Variants in DCC observed in about 807,000 individuals in gnomAD.
The protein encoded by DCC is netrin receptor DCC.
A neutral mutation model predicts 172.5 loss-of-function variants in DCC; 58 were observed. That is an observed-to-expected ratio of 0.34 (90% CI 0.27 to 0.42). The LOEUF (loss-of-function observed/expected upper bound fraction) is 0.42. Ranked by LOEUF, DCC falls within the 10% of genes least tolerant of loss-of-function variation. The pLI is 1.00. For synonymous variants in DCC, 709 were observed against 644.5 expected (o/e 1.10, Z -1.52); for missense variants, 1,740 against 1,791.0 (o/e 0.97, Z 0.51).
intron 1 of DCC, among the ~76,000 whole-genome samples, chr18:52,518,216 T>C (rs1268141569): frequency 6.6e-6 from 1 of 152,216 alleles, no homozygotes; most frequent in Non-Finnish European, 1.5e-5. Flanking sequence ...AAGGCTATGA[T>C]AGCATGAGGC....
At chr18:53,471,091 A>T (rs1402657959) in intron 25 of DCC, among the ~76,000 whole-genome samples, 2 of 152,176 alleles carry the variant, frequency 1.3e-5, no homozygotes, top group Non-Finnish European at 2.9e-5. Context: ...ATCATCTCTT[A>T]CAGATTACTA....
chr18:52,495,853 C>G (rs2030726014), intron 1 of DCC, among the ~76,000 whole-genome samples: 1 of 151,184 alleles, frequency 6.6e-6, no homozygotes, highest in African/African-American at 2.4e-5. Context: ...GCTTTGACAT[C>G]AGGGAATTCT....
chr18:53,070,318 C>T (rs371895257), intron 7 of DCC, among the ~76,000 whole-genome samples: 104 of 152,252 alleles, frequency 6.8e-4, no homozygotes, highest in African/African-American at 2.3e-3. Flanking sequence ...CTTTTAAATA[C>T]TTACCTCACC....
rs190793822 is a variant in DCC, at chr18:52,629,306, C to T, written c.92-122748C>T. 7.9e-5 allele frequency among the ~76,000 whole-genome samples: 12 copies of T among 152,248 alleles called. No homozygotes were observed. In the East Asian group the frequency reaches 2.1e-3, roughly 27 times the overall value. On this transcript the variant is annotated intron_variant, in intron 1 of 28. Transcript: ENST00000442544. ...ACAAAAACTTCTACCCACCCACCTC[C>T]ACCTCTTTTGGTTTGGCCAAACAAG...
At position 53,424,131 on chromosome 18, in the gene DCC, G is replaced by A. The variant is rs150360378; in HGVS notation, c.3163+7975G>A. Reference sequence around the variant, plus strand: ...GGTAGTTACATTTGTAGATGGCTACGACCTCCTGCACTCATTTTGTGACCT... The same window carrying A: ...GGTAGTTACATTTGTAGATGGCTACAACCTCCTGCACTCATTTTGTGACCT... On this transcript the variant is annotated intron_variant, in intron 21 of 28. Transcript: ENST00000442544. 3.9e-4 allele frequency among the ~76,000 whole-genome samples: 59 copies of A among 152,268 alleles called. No homozygotes were observed. In the East Asian group the frequency reaches 0.011, roughly 28 times the overall value.
At chr18:53,238,123 T>C (rs2056232471) in intron 12 of DCC, among the ~76,000 whole-genome samples, 2 of 152,326 alleles carry the variant, frequency 1.3e-5, no homozygotes, top group South Asian at 2.1e-4. Flanking sequence ...TTATCTACTA[T>C]ATGTTGCTGA....
chr18:52,849,925 T>C (rs908662457), intron 2 of DCC, among the ~76,000 whole-genome samples: 2 of 152,148 alleles, frequency 1.3e-5, no homozygotes, highest in African/African-American at 4.8e-5. Context: ...AATAATGTCT[T>C]ATAAGCCACG....
chr18:52,675,200 A>G (rs2035627172), intron 1 of DCC, among the ~76,000 whole-genome samples: 1 of 152,130 alleles, frequency 6.6e-6, no homozygotes, highest in African/African-American at 2.4e-5. Flanking sequence ...CTGGGATTAC[A>G]GGTGAGTGCC....
chr18:52,903,294 C>G (rs1318103883), intron 2 of DCC, among the ~76,000 whole-genome samples: 3 of 152,188 alleles, frequency 2.0e-5, no homozygotes, highest in Non-Finnish European at 4.4e-5. Flanking sequence ...CAACCTCTGC[C>G]TCTGGGCTCA....
chr18:52,959,240 G>T (rs1354416752), intron 5 of DCC, among the ~76,000 whole-genome samples: 1 of 152,112 alleles, frequency 6.6e-6, no homozygotes, highest in African/African-American at 2.4e-5. Context: ...CAGTTGGCTG[G>T]ATTTGCACTG....
intron 25 of DCC, among the ~76,000 whole-genome samples, chr18:53,480,328 C>T (rs185046119): frequency 1.7e-4 from 26 of 152,256 alleles, no homozygotes; most frequent in African/African-American, 5.1e-4. Context: ...TCTTGGAAAG[C>T]GTGTATAAAC....
chr18:53,035,803 G>A (rs975720490), intron 5 of DCC, among the ~76,000 whole-genome samples: 8 of 151,966 alleles, frequency 5.3e-5, no homozygotes, highest in African/African-American at 1.9e-4. Flanking sequence ...ACCAGTCATT[G>A]TAGTGTATAT....
chr18:53,075,987 T>G (rs749718176), intron 7 of DCC, among the ~76,000 whole-genome samples: 2 of 152,166 alleles, frequency 1.3e-5, no homozygotes, highest in Non-Finnish European at 2.9e-5. Context: ...TGGTCATATA[T>G]GCTGTACTAG....
intron 7 of DCC, among the ~76,000 whole-genome samples, chr18:53,146,429 G>A (rs2043916762): frequency 6.6e-6 from 1 of 152,172 alleles, no homozygotes; most frequent in South Asian, 2.1e-4. Context: ...CATGGTAGAA[G>A]GAATGGAAGG....
At chr18:52,509,893 C>T (rs142003922) in intron 1 of DCC, among the ~76,000 whole-genome samples, 1,862 of 152,074 alleles carry the variant, frequency 0.012, 14 homozygotes, top group Non-Finnish European at 0.017. Flanking sequence ...ACCGGAGGTC[C>T]GGAGTTCGAG....
At chr18:52,754,549 C>T (rs987568657) in intron 2 of DCC, among the ~76,000 whole-genome samples, 1 of 152,192 alleles carries the variant, frequency 6.6e-6, no homozygotes, top group African/African-American at 2.4e-5. Context: ...GAAGAGGACC[C>T]TCATCAGAAA....
At chr18:53,195,735 A>G (rs2055434153) in intron 9 of DCC, among the ~76,000 whole-genome samples, 1 of 152,078 alleles carries the variant, frequency 6.6e-6, no homozygotes, top group Non-Finnish European at 1.5e-5. Flanking sequence ...CATCTATGCA[A>G]TTCTTAATTG....
At chr18:52,516,113 G>T (rs2031632608) in intron 1 of DCC, among the ~76,000 whole-genome samples, 1 of 152,026 alleles carries the variant, frequency 6.6e-6, no homozygotes, top group Non-Finnish European at 1.5e-5. Context: ...GTGAGGGTAA[G>T]GAGAAACTGG....
intron 1 of DCC, among the ~76,000 whole-genome samples, chr18:52,630,885 C>A (rs536318585): frequency 6.6e-6 from 1 of 152,258 alleles, no homozygotes; most frequent in East Asian, 1.9e-4. Flanking sequence ...GTTCCAGGTG[C>A]CCTTTGAGAG....
Sources: allele counts gnomAD v4.1 joint callset (sites outside exome capture counted in the v4.1 genomes callset), GRCh38; gene constraint gnomAD v4.1.1; transcripts MANE v1.5; gene names NCBI Gene and HGNC (gene_info 2026-07-23, HGNC 2026-07-21).